The following NFAM1 variants were observed in gnomAD, a reference collection of about 807,000 sequenced individuals.
The protein encoded by NFAM1 is NFAT activating protein with ITAM motif 1.
NFAM1 carries 17 observed loss-of-function variants against 29.0 expected under a neutral mutation model. That is an observed-to-expected ratio of 0.59 (90% confidence interval 0.40 to 0.88). The LOEUF is 0.88. NFAM1 is among the 40% of genes least tolerant of loss of function. The pLI, the probability that NFAM1 is intolerant of heterozygous loss-of-function variation, is 0.00. For missense variants in NFAM1, 324 were observed against 344.6 expected (o/e 0.94, Z 0.47); for synonymous variants, 175 against 147.2 (o/e 1.19, Z -1.36).
In NFAM1 at chr22:42,382,859, G is replaced by T; in HGVS notation, c.*2302C>A. The T allele has an allele frequency of 6.5e-6, 1 of 153,752 alleles. No individual in the cohort carries two copies. Among genetic ancestry groups the T allele is most frequent in the Non-Finnish European group, 1.5e-5 (1 of 68,948 alleles). 9.5% of individuals were successfully genotyped at this position (153,752 alleles called of 1,614,324 possible). A position where few individuals can be genotyped will look rare whatever the true frequency, so the allele number is the denominator to read the frequency against. ...CTCACTGAAGACCTCAGCACCCACT[G>T]CCTCCCAGCCTTGCCCTGAACCAAG... On this transcript the variant is annotated 3_prime_UTR_variant, in exon 6 of 6. Transcript: ENST00000329021.
rs576470531 is a variant in NFAM1, at chr22:42,382,000, G to C, written c.*3161C>G. ...GTCTTGAAGGAAATGCACACCCACT[G>C]AGCTTCTGCCTGAGCCAGGGAGTCC... On this transcript the variant is annotated 3_prime_UTR_variant, in exon 6 of 6. Coordinates refer to ENST00000329021, the MANE Select transcript of NFAM1 (RefSeq NM_145912.8). 6.5e-6 allele frequency: 1 copy of C among 152,714 alleles called. No homozygotes were observed. The highest frequency in any genetic ancestry group is 2.1e-4 in the South Asian group (1 of 4,838). 9.5% of individuals were successfully genotyped at this position (152,714 alleles called of 1,614,324 possible).
Position 42,406,305 on chromosome 22 carries a change from C to T in NFAM1, c.564+3130G>A, listed in dbSNP as rs189991134. 3.0e-4 allele frequency among the ~76,000 whole-genome samples: 46 copies of T among 152,354 alleles called. No homozygotes were observed. In the East Asian group the frequency reaches 8.1e-3, roughly 27 times the overall value. Reference sequence around the variant, plus strand: ...CTGATCCCGGCTCCTGTCATCTCTGCCTGGACTTTGCAGTAGCTCCTCACT... The same window carrying T: ...CTGATCCCGGCTCCTGTCATCTCTGTCTGGACTTTGCAGTAGCTCCTCACT... On this transcript the variant is annotated intron_variant, in intron 3 of 5. Transcript: ENST00000329021.
chr22:42,414,948 T>C (rs549771514), intron 1 of NFAM1, among the ~76,000 whole-genome samples: 49 of 152,310 alleles, frequency 3.2e-4, no homozygotes, highest in Middle Eastern at 6.8e-3. Flanking sequence ...GGGAAATCTA[T>C]AAAAACAGAC....
chr22:42,403,117 G>A (rs530301904), intron 3 of NFAM1, among the ~76,000 whole-genome samples: 4 of 151,710 alleles, frequency 2.6e-5, no homozygotes, highest in East Asian at 2.0e-4. Flanking sequence ...GATTATAGTC[G>A]TGAGCCACCA....
At chr22:42,399,000 G>A (rs573159078) in intron 3 of NFAM1, among the ~76,000 whole-genome samples, 18 of 152,326 alleles carry the variant, frequency 1.2e-4, no homozygotes, top group Middle Eastern at 3.4e-3. Flanking sequence ...TGGCACATGA[G>A]GAGGAAACCA....
At chr22:42,394,856 G>A (rs537243593) in intron 4 of NFAM1, among the ~76,000 whole-genome samples, 16 of 152,214 alleles carry the variant, frequency 1.1e-4, no homozygotes, top group African/African-American at 3.4e-4. Flanking sequence ...GGTGGCTCAC[G>A]CCTGTAATCC....
intron 3 of NFAM1, among the ~76,000 whole-genome samples, chr22:42,404,618 A>C (rs1250370130): frequency 2.0e-5 from 3 of 152,090 alleles, no homozygotes; most frequent in Non-Finnish European, 4.4e-5. Context: ...GTGCTTCAGA[A>C]GTGCTCTCCT....
chr22:42,429,300 G>A (rs1459782339), intron 1 of NFAM1, among the ~76,000 whole-genome samples: 1 of 152,222 alleles, frequency 6.6e-6, no homozygotes, highest in East Asian at 1.9e-4. Flanking sequence ...TGCCCAGGGT[G>A]CCTGGGCAAG....
At chr22:42,390,879 C>T (rs73886066) in intron 4 of NFAM1, among the ~76,000 whole-genome samples, 3,084 of 150,810 alleles carry the variant, frequency 0.02, 98 homozygotes, top group African/African-American at 0.072. Flanking sequence ...CACCCTGGGG[C>T]GGAGGGAATA....
At chr22:42,392,319 G>A (rs938644498) in intron 4 of NFAM1, among the ~76,000 whole-genome samples, 2 of 152,122 alleles carry the variant, frequency 1.3e-5, no homozygotes, top group African/African-American at 4.8e-5. Context: ...GGAGGAGGGA[G>A]AGCTCAAGGG....
At position 42,419,292 on chromosome 22, in the gene NFAM1, C is replaced by T. The variant is rs6519320; in HGVS notation, c.122-7556G>A. 0.038 allele frequency among the ~76,000 whole-genome samples: 5,711 copies of T among 152,156 alleles called. 309 individuals carry two copies. Among genetic ancestry groups the T allele is most frequent in the African/African-American group, 0.13 (5,270 of 41,476 alleles). On this transcript the variant is annotated intron_variant, in intron 1 of 5. Coordinates refer to ENST00000329021, the MANE Select transcript of NFAM1 (RefSeq NM_145912.8). This position sits in a 1 kb window ranked among gnomAD's most constrained non-coding sequence, Gnocchi z 4.5. ...TGTCTCTGTGGCTCTGAGTCCCCAG[C>T]GATCCACAAACTCATCCTGCTCCTG...
In NFAM1 at chr22:42,383,975, G is replaced by A. The variant is rs1489452106; in HGVS notation, c.*1186C>T. ...AGGGCTACTGCGAGGAGGAAATGAG[G>A]GTGATGTGGGCACCTGAAACAGCAG... On this transcript the variant is annotated 3_prime_UTR_variant, in exon 6 of 6. Coordinates refer to ENST00000329021, the MANE Select transcript of NFAM1 (RefSeq NM_145912.8). 3 of 152,816 alleles carry A rather than the reference G, an allele frequency of 2.0e-5. No individual in the cohort carries two copies. The highest frequency in any genetic ancestry group is 7.2e-5 in the African/African-American group (3 of 41,450). The allele number at this position is 152,816 out of a possible 1,614,324, so 9.5% of individuals were successfully genotyped here.
chr22:42,414,963 G>A lies in NFAM1; in HGVS notation c.122-3227C>T, dbSNP rs1025198663. Among the ~76,000 whole-genome samples, 41 of 152,248 alleles carry A rather than the reference G, an allele frequency of 2.7e-4. 1 individual carries two copies. The highest frequency in any genetic ancestry group is 8.7e-4 in the African/African-American group (36 of 41,558). The stretch of plus-strand genomic sequence containing the variant: ...GGGAAATCTATAAAAACAGACGTCC[G>A]TTGTTCTATATTCTTTTGGGATTCA... On this transcript the variant is annotated intron_variant, in intron 1 of 5. Coordinates refer to ENST00000329021, the MANE Select transcript of NFAM1 (RefSeq NM_145912.8).
intron 1 of NFAM1, among the ~76,000 whole-genome samples, chr22:42,428,442 T>A (rs868445089): frequency 8.5e-5 from 13 of 152,118 alleles, no homozygotes; most frequent in Middle Eastern, 6.3e-3. Context: ...CATCTTTTTT[T>A]ATTATTATTA....
At chr22:42,392,183 A>C (rs1264006788) in intron 4 of NFAM1, among the ~76,000 whole-genome samples, 2 of 148,914 alleles carry the variant, frequency 1.3e-5, no homozygotes, top group Non-Finnish European at 1.5e-5. Flanking sequence ...CAATCTTTAC[A>C]GTTCAGGGTT....
chr22:42,398,663 T>TTGG (rs1206836361), intron 3 of NFAM1, among the ~76,000 whole-genome samples: 2 of 152,074 alleles, frequency 1.3e-5, no homozygotes, highest in Non-Finnish European at 2.9e-5. Flanking sequence ...ATCCACCGCC[T>TTGG]TGGCGTCCCA....
At chr22:42,436,342 C>T (rs1930939901), upstream of NFAM1, among the ~76,000 whole-genome samples, 1 of 152,202 alleles carries the variant, frequency 6.6e-6, no homozygotes, top group South Asian at 2.1e-4. Flanking sequence ...GCAGGAGGGA[C>T]CCCTCAGAAT....
At chr22:42,417,164 C>A (rs1930288802) in intron 1 of NFAM1, among the ~76,000 whole-genome samples, 1 of 152,240 alleles carries the variant, frequency 6.6e-6, no homozygotes, top group Admixed American at 6.5e-5. Flanking sequence ...TCGCCCCTCA[C>A]CCTCACACAG....
At position 42,385,197 on chromosome 22, in the gene NFAM1, A is replaced by G. The variant is rs377246741; in HGVS notation, c.777T>C (p.Asp259=). 174 of 1,612,356 alleles carry G rather than the reference A, an allele frequency of 1.1e-4. No individual in the cohort carries two copies. Among genetic ancestry groups the G allele is most frequent in the Non-Finnish European group, 1.4e-4 (166 of 1,178,460 alleles). ...LSQERPHRFE[D]DGELNLVYEN... ...CATAGACCAGGTTAAGTTCGCCATC[A>G]TCTTCGAATCTATGCGGTCTCTCCT... is the stretch of plus-strand genomic sequence containing the variant. The change falls in exon 6 of 6, where the codon GAT becomes GAC. Residue 259 remains aspartate (D), a synonymous_variant. Transcript: ENST00000329021.
Sources: allele counts gnomAD v4.1 joint callset (sites outside exome capture counted in the v4.1 genomes callset), GRCh38; gene constraint gnomAD v4.1.1; non-coding constraint Gnocchi (gnomAD v3.1); transcripts MANE v1.5; gene names NCBI Gene and HGNC (gene_info 2026-07-23, HGNC 2026-07-21).